FSTL4: variants seen among roughly 807,000 people sequenced by gnomAD.
FSTL4 encodes the protein follistatin like 4.
A neutral mutation model predicts 78.2 loss-of-function variants in FSTL4; 28 were observed. The observed-to-expected ratio is 0.36, with a 90% CI of 0.27 to 0.49. FSTL4 has a LOEUF of 0.49. Among genes scored for constraint, FSTL4 ranks in the 20% least tolerant of loss-of-function variants. The pLI is 0.98. For synonymous variants in FSTL4, 422 were observed against 440.5 expected (o/e 0.96, Z 0.53); for missense variants, 922 against 1,084.9 (o/e 0.85, Z 2.11).
chr5:133,699,798 G>A, the FSTL4 span, among the ~76,000 whole-genome samples: 4 of 144,332 alleles, frequency 2.8e-5, no homozygotes, highest in Admixed American at 7.1e-5. Flanking sequence ...GGAGAATGGC[G>A]TGAACCCGGG....
intron 3 of FSTL4, among the ~76,000 whole-genome samples, chr5:133,473,441 C>T (rs1259816600): frequency 6.6e-6 from 1 of 152,120 alleles, no homozygotes; most frequent in East Asian, 1.9e-4. Flanking sequence ...TCATGCTTGA[C>T]CCCGTAACCA....
intron 3 of FSTL4, among the ~76,000 whole-genome samples, chr5:133,445,344 T>G (rs1329946985): frequency 6.6e-6 from 1 of 151,682 alleles, no homozygotes; most frequent in African/African-American, 2.4e-5. Flanking sequence ...GGCCGGGGAG[T>G]GCTCCCTCAG....
chr5:133,295,180 C>T (rs117554982), intron 6 of FSTL4, among the ~76,000 whole-genome samples: 1 of 152,280 alleles, frequency 6.6e-6, no homozygotes, highest in East Asian at 1.9e-4. Flanking sequence ...CAGCCATGAC[C>T]TTGCTTCCTG....
the FSTL4 span, among the ~76,000 whole-genome samples, chr5:133,686,850 C>A: frequency 6.6e-6 from 1 of 152,344 alleles, no homozygotes; most frequent in African/African-American, 2.4e-5. Flanking sequence ...CTCCGGAGAA[C>A]TGACCTCTGC....
At chr5:133,365,628 G>A (rs1458384043) in intron 4 of FSTL4, among the ~76,000 whole-genome samples, 5 of 152,230 alleles carry the variant, frequency 3.3e-5, no homozygotes, top group African/African-American at 4.8e-5. Context: ...TTCAGTCCTT[G>A]CTCCTTGATT....
At chr5:133,447,470 G>T (rs527756960) in intron 3 of FSTL4, among the ~76,000 whole-genome samples, 2 of 152,288 alleles carry the variant, frequency 1.3e-5, no homozygotes, top group South Asian at 4.1e-4. Flanking sequence ...TCTGGTTCCT[G>T]CAGCTCGAAT....
At chr5:133,654,252 A>G in the FSTL4 span, among the ~76,000 whole-genome samples, 9 of 152,186 alleles carry the variant, frequency 5.9e-5, no homozygotes, top group African/African-American at 2.2e-4. Flanking sequence ...GATGCTCATT[A>G]TGCATGGGGT....
chr5:133,579,161 G>A (rs1204474941), intron 2 of FSTL4, among the ~76,000 whole-genome samples: 1 of 152,172 alleles, frequency 6.6e-6, no homozygotes, highest in Non-Finnish European at 1.5e-5. Flanking sequence ...CTACAAGAGG[G>A]GTGTCCATCT....
At chr5:133,273,076 C>G (rs1752801777) in intron 6 of FSTL4, among the ~76,000 whole-genome samples, 1 of 152,226 alleles carries the variant, frequency 6.6e-6, no homozygotes, top group Non-Finnish European at 1.5e-5. Flanking sequence ...GAGGTTAGTC[C>G]CTTGTCACAG....
intron 4 of FSTL4, among the ~76,000 whole-genome samples, chr5:133,324,826 G>A (rs1754167841): frequency 3.3e-5 from 5 of 152,222 alleles, no homozygotes. Context: ...TCTCTGAAGG[G>A]GGCTAGTGCC....
chr5:133,205,356 A>G (rs1241998579), intron 14 of FSTL4, among the ~76,000 whole-genome samples: 1 of 151,222 alleles, frequency 6.6e-6, no homozygotes, highest in Non-Finnish European at 1.5e-5. Flanking sequence ...GCATTTAGAC[A>G]CATTCCTGGA....
chr5:133,338,296 T>C lies in FSTL4; in HGVS notation c.410-21644A>G, dbSNP rs1754508653. On this transcript the variant is annotated intron_variant, in intron 4 of 15. Transcript: ENST00000265342. This position sits in a 1 kb window ranked among gnomAD's most constrained non-coding sequence, Gnocchi z 4.0. ...GGGTGTGCTGACCCATTTATGCCAG[T>C]GCACACTCTGGACTGGCTCCTGCGG... is the stretch of plus-strand genomic sequence containing the variant. Among the ~76,000 whole-genome samples, 1 of 152,152 alleles carries C rather than the reference T, an allele frequency of 6.6e-6. No homozygotes were observed. The highest frequency in any genetic ancestry group is 2.4e-5 in the African/African-American group (1 of 41,412).
intron 3 of FSTL4, among the ~76,000 whole-genome samples, chr5:133,453,143 A>G (rs1290824287): frequency 6.6e-6 from 1 of 152,152 alleles, no homozygotes; most frequent in East Asian, 1.9e-4. Context: ...TGTATCTTCT[A>G]TGTCACTCTT....
the FSTL4 span, among the ~76,000 whole-genome samples, chr5:133,657,320 G>C: frequency 6.6e-6 from 1 of 152,124 alleles, no homozygotes; most frequent in Non-Finnish European, 1.5e-5. Context: ...CTGTGATGTA[G>C]GAAGACCAAT....
At chr5:133,424,746 A>C (rs1305571970) in intron 3 of FSTL4, among the ~76,000 whole-genome samples, 4 of 152,244 alleles carry the variant, frequency 2.6e-5, no homozygotes, top group Non-Finnish European at 4.4e-5. Flanking sequence ...AATACCACGT[A>C]AAGGAGAGAG....
At chr5:133,282,266 C>T (rs146065152) in intron 6 of FSTL4, among the ~76,000 whole-genome samples, 20 of 152,228 alleles carry the variant, frequency 1.3e-4, no homozygotes, top group Non-Finnish European at 2.4e-4. Flanking sequence ...TGTGGGCACA[C>T]ATGAACACGG....
chr5:133,437,640 CCA>C (rs1389980890), intron 3 of FSTL4, among the ~76,000 whole-genome samples: 1 of 151,826 alleles, frequency 6.6e-6, no homozygotes, highest in African/African-American at 2.4e-5. Context: ...CAGTTGCTCG[CCA>C]CCACACCCGG....
At chr5:133,771,977 T>C in the FSTL4 span, among the ~76,000 whole-genome samples, 1 of 152,206 alleles carries the variant, frequency 6.6e-6, no homozygotes, top group African/African-American at 2.4e-5. Context: ...CTACTCACAA[T>C]GGATCATTGG....
chr5:133,303,512 C>T (rs925693939), intron 6 of FSTL4, among the ~76,000 whole-genome samples: 10 of 152,248 alleles, frequency 6.6e-5, no homozygotes, highest in African/African-American at 2.4e-4. Context: ...GCCAAGGCTT[C>T]TGAGTGCCCT....
Sources: allele counts gnomAD v4.1 joint callset (sites outside exome capture counted in the v4.1 genomes callset), GRCh38; gene constraint gnomAD v4.1.1; non-coding constraint Gnocchi (gnomAD v3.1); transcripts MANE v1.5; gene names NCBI Gene and HGNC (gene_info 2026-07-23, HGNC 2026-07-21).